The following ATIC variants were observed in gnomAD, a reference collection of about 807,000 sequenced individuals.
ATIC encodes 5-aminoimidazole-4-carboxamide ribonucleotide formyltransferase/IMP cyclohydrolase, also known as bifunctional purine biosynthesis protein ATIC.
In ATIC, 64 loss-of-function variants were observed where a neutral mutation model predicts 72.5. That is an observed-to-expected ratio of 0.88 (90% CI 0.72 to 1.09). The LOEUF is 1.09. ATIC is among the 50% of genes least tolerant of loss of function. The pLI is 0.00. For synonymous variants in ATIC, 281 were observed against 267.1 expected (o/e 1.05, Z -0.51); for missense variants, 787 against 732.4 (o/e 1.07, Z -0.86).
At chr2:215,331,231 GTTGCAGGGACGGT>G (rs2052890126) in intron 7 of ATIC, among the ~76,000 whole-genome samples, 1 of 151,940 alleles carries the variant, frequency 6.6e-6, no homozygotes, top group Non-Finnish European at 1.5e-5. Flanking sequence ...TTTTAAGAGG[GTTGCAGGGACGGT>G]TTTTTTCACT....
chr2:215,355,854 A>G, the ATIC span, among the ~76,000 whole-genome samples: 1 of 152,148 alleles, frequency 6.6e-6, no homozygotes, highest in Non-Finnish European at 1.5e-5. Context: ...GCCTCTTAGG[A>G]TAATCAGTAC....
At chr2:215,347,943 C>G (rs923326174) in intron 14 of ATIC, among the ~76,000 whole-genome samples, 2 of 152,078 alleles carry the variant, frequency 1.3e-5, no homozygotes, top group Non-Finnish European at 2.9e-5. Flanking sequence ...AGTCCCAGAT[C>G]AAGGTACTGG....
At chr2:215,328,133 C>A (rs2052850093) in intron 7 of ATIC, among the ~76,000 whole-genome samples, 1 of 152,036 alleles carries the variant, frequency 6.6e-6, no homozygotes, top group Non-Finnish European at 1.5e-5. Flanking sequence ...CTCAGCCTCC[C>A]AGAGTGCTGG....
chr2:215,332,724 T>C (rs909704443), intron 8 of ATIC, among the ~76,000 whole-genome samples: 1 of 152,172 alleles, frequency 6.6e-6, no homozygotes, highest in East Asian at 1.9e-4. Context: ...GGAATTTGTT[T>C]GTGGGGTGGA....
chr2:215,350,057 T>G (rs957768387), downstream of ATIC, among the ~76,000 whole-genome samples: 10 of 151,948 alleles, frequency 6.6e-5, no homozygotes, highest in African/African-American at 2.4e-4. Flanking sequence ...TGCATGGGAG[T>G]TGTATATTAA....
At chr2:215,337,637 G>A (rs2052971149) in intron 11 of ATIC, among the ~76,000 whole-genome samples, 1 of 152,200 alleles carries the variant, frequency 6.6e-6, no homozygotes, top group Non-Finnish European at 1.5e-5. Context: ...AAAGTGTTGG[G>A]ATTACAGGCG....
chr2:215,316,647 G>T (rs2052712692), intron 2 of ATIC, among the ~76,000 whole-genome samples: 1 of 152,150 alleles, frequency 6.6e-6, no homozygotes, highest in African/African-American at 2.4e-5. Flanking sequence ...AAAATGGATT[G>T]TAATTCTTAA....
At chr2:215,334,526 A>C (rs147273086) in intron 9 of ATIC, among the ~76,000 whole-genome samples, 1 of 152,134 alleles carries the variant, frequency 6.6e-6, no homozygotes, top group African/African-American at 2.4e-5. Context: ...GTCATGTTTT[A>C]TCAGAGACAT....
chr2:215,344,042 T>A (rs553781814), intron 12 of ATIC, among the ~76,000 whole-genome samples: 2 of 151,974 alleles, frequency 1.3e-5, no homozygotes, highest in Non-Finnish European at 3.0e-5. Flanking sequence ...CTTGGCTGTC[T>A]GTGTGCATCA....
At chr2:215,347,750 T>C (rs1186932360) in intron 14 of ATIC, 1 of 459,424 alleles carries the variant, frequency 2.2e-6, no homozygotes, top group South Asian at 1.6e-5. Context: ...CAACCCCTGC[T>C]ACTAGTCCTG....
At chr2:215,314,252 A>G (rs939479499) in intron 2 of ATIC, among the ~76,000 whole-genome samples, 1 of 152,218 alleles carries the variant, frequency 6.6e-6, no homozygotes, top group Non-Finnish European at 1.5e-5. Context: ...AGACCCCAGC[A>G]CAGTAAAGTT....
the ATIC span, chr2:215,364,856 G>A: frequency 6.7e-7 from 1 of 1,487,918 alleles, no homozygotes; most frequent in Non-Finnish European, 9.2e-7. Context: ...AACTTGTAGG[G>A]AGCCTGGCAC....
chr2:215,356,208 A>G, the ATIC span, among the ~76,000 whole-genome samples: 2 of 152,212 alleles, frequency 1.3e-5, no homozygotes, highest in East Asian at 3.9e-4. Context: ...TGTTTCAAAA[A>G]GATGCTGATT....
chr2:215,312,106 C>G lies in ATIC; in HGVS notation c.-37C>G, dbSNP rs1435004335. ...ACCTGCGCACGTGGTGCCGCCGCTG[C>G]TGCCTCCCGCTCGCCCTGAACCCAG... is the stretch of plus-strand genomic sequence containing the variant. On this transcript the variant is annotated 5_prime_UTR_variant, in exon 1 of 16. Coordinates refer to ENST00000236959, the MANE Select transcript of ATIC (RefSeq NM_004044.7). The G allele has an allele frequency of 1.3e-6, 2 of 1,530,324 alleles. No individual in the cohort carries two copies. The highest frequency in any genetic ancestry group is 2.8e-5 in the African/African-American group (2 of 72,240). The allele number at this position is 1,530,324 out of a possible 1,614,324, so 94.8% of individuals were successfully genotyped here. A position where few individuals can be genotyped will look rare whatever the true frequency, so the allele number is the denominator to read the frequency against.
chr2:215,347,772 G>T, intron 14 of ATIC: 1 of 423,902 alleles, frequency 2.4e-6, no homozygotes, highest in Admixed American at 3.1e-5. Context: ...AAGAGTCCTG[G>T]AAGTGAACAA....
chr2:215,359,424 C>T, the ATIC span, among the ~76,000 whole-genome samples: 3 of 149,694 alleles, frequency 2.0e-5, no homozygotes, highest in Non-Finnish European at 4.5e-5. Context: ...AGATTGGCAT[C>T]GAGATGACGT....
chr2:215,360,708 A>T, the ATIC span: 1 of 152,674 alleles, frequency 6.5e-6, no homozygotes, highest in Non-Finnish European at 1.5e-5. Context: ...AAAACCAATC[A>T]GTTTTTGTAG....
chr2:215,324,058 G>A (rs551845401), intron 4 of ATIC, among the ~76,000 whole-genome samples: 2 of 152,050 alleles, frequency 1.3e-5, no homozygotes, highest in East Asian at 3.9e-4. Flanking sequence ...CACCTTGCCC[G>A]GCTAATTTTT....
chr2:215,346,911 C>G lies in ATIC; in HGVS notation c.1473C>G (p.Ile491Met), dbSNP rs775720376. Residue 491 changes from isoleucine to methionine, a missense_variant, in exon 14 of 16, where the codon ATC becomes ATG. By Grantham distance (10) the Ile-to-Met change is conservative. Coordinates refer to ENST00000236959, the MANE Select transcript of ATIC (RefSeq NM_004044.7). ...GVKRAEISNA[I>M]DQYVTGTIGE... ...AGAGAGCAGAAATCTCCAATGCCAT[C>G]GATCAATATGTGACTGGAACCATTG... 1 of 1,614,108 alleles carries G rather than the reference C, an allele frequency of 6.2e-7. No homozygotes were observed. The highest frequency in any genetic ancestry group is 8.5e-7 in the Non-Finnish European group (1 of 1,180,010).
Sources: gnomAD v4.1 joint callset for allele counts (sites outside exome capture counted in the v4.1 genomes callset) on GRCh38, gnomAD v4.1.1 for gene constraint, MANE v1.5 for transcripts, NCBI Gene and HGNC (gene_info 2026-07-23, HGNC 2026-07-21) for gene names.